The following CLMP variants were observed in gnomAD, a reference collection of about 807,000 sequenced individuals.
The protein encoded by CLMP is CXADR like cell adhesion molecule.
A neutral mutation model predicts 45.2 loss-of-function variants in CLMP; 27 were observed. That is an observed-to-expected ratio of 0.60 (90% CI 0.44 to 0.82). The LOEUF (loss-of-function observed/expected upper bound fraction) is 0.82. Ranked by LOEUF, CLMP falls within the 40% of genes least tolerant of loss-of-function variation. CLMP has a pLI of 0.00. For missense variants in CLMP, 403 were observed against 448.4 expected (o/e 0.90, Z 0.91); for synonymous variants, 167 against 171.4 (o/e 0.97, Z 0.20).
intron 2 of CLMP, among the ~76,000 whole-genome samples, chr11:123,092,268 CCACACACACACA>C (rs112488631): frequency 6.8e-6 from 1 of 148,002 alleles, no homozygotes; most frequent in Non-Finnish European, 1.5e-5. Flanking sequence ...AATCTTGTCT[CCACACACACACA>C]CACACACACA....
intron 1 of CLMP, among the ~76,000 whole-genome samples, chr11:123,170,442 C>CTTTTT (rs11463797): frequency 1.4e-5 from 2 of 140,708 alleles, no homozygotes; most frequent in Admixed American, 7.1e-5. Flanking sequence ...ATGAAACCTG[C>CTTTTT]TTTTTTTTTT....
chr11:123,127,044 G>A lies in CLMP; in HGVS notation c.29-29092C>T, dbSNP rs1860906087. Among the ~76,000 whole-genome samples, 3 of 152,154 alleles carry A rather than the reference G, an allele frequency of 2.0e-5. No homozygotes were observed. The South Asian group carries it at 6.2e-4, about 32-fold the overall frequency. The stretch of plus-strand genomic sequence containing the variant: ...GTTAAATATAATTAAGTGTATAAAT[G>A]TGATAAATGCTATAAAGGAAAAGTA... On this transcript the variant is annotated intron_variant, in intron 1 of 6. Coordinates refer to ENST00000448775, the MANE Select transcript of CLMP (RefSeq NM_024769.5).
intron 1 of CLMP, among the ~76,000 whole-genome samples, chr11:123,121,885 A>T (rs1591466925): frequency 6.6e-6 from 1 of 152,050 alleles, no homozygotes; most frequent in Non-Finnish European, 1.5e-5. Flanking sequence ...TACTGACTAC[A>T]GGCACGTGCC....
chr11:123,080,729 A>G (rs905362107), intron 5 of CLMP, among the ~76,000 whole-genome samples: 11 of 152,260 alleles, frequency 7.2e-5, no homozygotes, highest in Admixed American at 6.5e-4. Flanking sequence ...TAAATACATA[A>G]TAAAGAACTC....
chr11:123,086,803 C>T (rs538346955), intron 2 of CLMP, among the ~76,000 whole-genome samples: 1 of 152,114 alleles, frequency 6.6e-6, no homozygotes, highest in African/African-American at 2.4e-5. Context: ...TTGCTTGAGC[C>T]CAGGAGGTTG....
At chr11:123,133,352 TGA>T (rs1333444103) in intron 1 of CLMP, among the ~76,000 whole-genome samples, 3 of 152,160 alleles carry the variant, frequency 2.0e-5, no homozygotes, top group African/African-American at 7.2e-5. Context: ...AGAATCCTAC[TGA>T]GAGAGTTTAG....
At chr11:123,086,538 T>G (rs899326416) in intron 2 of CLMP, among the ~76,000 whole-genome samples, 2 of 152,218 alleles carry the variant, frequency 1.3e-5, no homozygotes, top group Non-Finnish European at 2.9e-5. Context: ...GAGCCTTTCC[T>G]GAGAAGGTTC....
At chr11:123,176,980 A>G (rs1861708207) in intron 1 of CLMP, among the ~76,000 whole-genome samples, 1 of 152,194 alleles carries the variant, frequency 6.6e-6, no homozygotes, top group Non-Finnish European at 1.5e-5. Flanking sequence ...TCAGATCAGC[A>G]CCATGCCTAC....
chr11:123,093,257 A>G (rs1321831829), intron 2 of CLMP, among the ~76,000 whole-genome samples: 1 of 152,064 alleles, frequency 6.6e-6, no homozygotes, highest in Non-Finnish European at 1.5e-5. Flanking sequence ...CCAGGCCAAG[A>G]CTGTCTCAAT....
chr11:123,122,466 T>C (rs989808128), intron 1 of CLMP, among the ~76,000 whole-genome samples: 8 of 152,190 alleles, frequency 5.3e-5, no homozygotes, highest in African/African-American at 1.7e-4. Flanking sequence ...CTGGGACAGA[T>C]AGGACAGTCC....
In CLMP at chr11:123,073,613, A is replaced by G. The variant is rs765604853; in HGVS notation, c.983T>C (p.Leu328Pro). 5 of 1,614,216 alleles carry G rather than the reference A, an allele frequency of 3.1e-6. No individual in the cohort carries two copies. The highest frequency in any genetic ancestry group is 4.2e-6 in the Non-Finnish European group (5 of 1,180,032). ...LSTDAAPQPG[L>P]ATQAYSLVGP... ...CACTAGGCTGTATGCCTGGGTGGCCAGCCCTGGCTGGGGTGCTGCGTCAGT... is the reference window on the plus strand; with the variant it reads ...CACTAGGCTGTATGCCTGGGTGGCCGGCCCTGGCTGGGGTGCTGCGTCAGT... Residue 328 changes from leucine (L) to proline (P), a missense_variant, in exon 7 of 7, where the codon CTG becomes CCG. Transcript: ENST00000448775.
chr11:123,187,086 A>T (rs1336980273), intron 1 of CLMP, among the ~76,000 whole-genome samples: 1 of 152,194 alleles, frequency 6.6e-6, no homozygotes, highest in Non-Finnish European at 1.5e-5. Context: ...GCATCACCTC[A>T]TGTAATTTTC....
chr11:123,187,874 G>C (rs1259943449), intron 1 of CLMP, among the ~76,000 whole-genome samples: 1 of 152,084 alleles, frequency 6.6e-6, no homozygotes, highest in Non-Finnish European at 1.5e-5. Flanking sequence ...GACGCTGATG[G>C]GTGATCCATC....
At chr11:123,194,322 T>A (rs1861948929) in intron 1 of CLMP, among the ~76,000 whole-genome samples, 2 of 152,186 alleles carry the variant, frequency 1.3e-5, no homozygotes, top group Non-Finnish European at 2.9e-5. Flanking sequence ...GCCTTGCTCT[T>A]CTGTTTTACA....
intron 1 of CLMP, among the ~76,000 whole-genome samples, chr11:123,137,672 A>C (rs1861096968): frequency 6.6e-6 from 1 of 151,944 alleles, no homozygotes. Flanking sequence ...TTTTATAGAA[A>C]GGGGAAGGCT....
At chr11:123,151,011 T>A (rs967019326) in intron 1 of CLMP, among the ~76,000 whole-genome samples, 1 of 152,212 alleles carries the variant, frequency 6.6e-6, no homozygotes, top group Non-Finnish European at 1.5e-5. Context: ...CCTGGGTCTT[T>A]CCATCTTATC....
chr11:123,113,913 C>A (rs1181216410), intron 1 of CLMP, among the ~76,000 whole-genome samples: 1 of 152,026 alleles, frequency 6.6e-6, no homozygotes, highest in Admixed American at 6.6e-5. Context: ...TGCAGAAACA[C>A]ACACACACAA....
chr11:123,111,056 C>T (rs80197279), intron 1 of CLMP, among the ~76,000 whole-genome samples: 15,058 of 151,972 alleles, frequency 0.099, 842 homozygotes, highest in East Asian at 0.16. Flanking sequence ...GAATGTGATG[C>T]GAAATATAAA....
intron 5 of CLMP, among the ~76,000 whole-genome samples, chr11:123,075,286 C>T (rs1452614528): frequency 6.6e-6 from 1 of 151,604 alleles, no homozygotes; most frequent in African/African-American, 2.4e-5. Context: ...CTGAGTAGTA[C>T]TGCATTACTC....
Sources: allele counts gnomAD v4.1 joint callset (sites outside exome capture counted in the v4.1 genomes callset), GRCh38; gene constraint gnomAD v4.1.1; transcripts MANE v1.5; gene names NCBI Gene and HGNC (gene_info 2026-07-23, HGNC 2026-07-21).